The following FAM171A1 variants were observed in gnomAD, a reference collection of about 807,000 sequenced individuals.
FAM171A1 encodes the protein protein FAM171A1.
In FAM171A1, 23 loss-of-function variants were observed where a neutral mutation model predicts 74.9. The ratio of observed to expected loss-of-function variants is 0.31; its 90% confidence interval spans 0.22 to 0.44. The LOEUF is 0.44. Ranked by LOEUF, FAM171A1 falls within the 20% of genes least tolerant of loss-of-function variation. FAM171A1 has a pLI of 1.00. For synonymous variants in FAM171A1, 527 were observed against 505.7 expected (o/e 1.04, Z -0.57); for missense variants, 1,162 against 1,159.2 (o/e 1.00, Z -0.03).
At chr10:15,294,895 C>A (rs980279410) in intron 1 of FAM171A1, among the ~76,000 whole-genome samples, 1 of 152,066 alleles carries the variant, frequency 6.6e-6, no homozygotes, top group Non-Finnish European at 1.5e-5. Context: ...CATCTGAAGG[C>A]ATGCCTTGTT....
chr10:15,326,369 C>T (rs1349764954), intron 1 of FAM171A1, among the ~76,000 whole-genome samples: 1 of 152,008 alleles, frequency 6.6e-6, no homozygotes, highest in East Asian at 1.9e-4. Flanking sequence ...GGCTGGAGTG[C>T]AGTGGCATGC....
chr10:15,279,900 T>C (rs535185240), intron 2 of FAM171A1, among the ~76,000 whole-genome samples: 45 of 149,752 alleles, frequency 3.0e-4, no homozygotes, highest in Non-Finnish European at 4.4e-4. Flanking sequence ...TCTTGAAAAA[T>C]AAAACAAAAC....
At chr10:15,235,312 A>AAAAC (rs1834272456) in intron 5 of FAM171A1, among the ~76,000 whole-genome samples, 1 of 151,112 alleles carries the variant, frequency 6.6e-6, no homozygotes, top group Non-Finnish European at 1.5e-5. Flanking sequence ...AAAAAAAAAA[A>AAAAC]AAAAAAAAAA....
rs775138804 is a variant in FAM171A1, at chr10:15,213,668, G to A, written c.1920C>T (p.Ser640=). The A allele has an allele frequency of 1.2e-6, 2 of 1,613,652 alleles. No homozygotes were observed. Among genetic ancestry groups the A allele is most frequent in the Non-Finnish European group, 1.7e-6 (2 of 1,179,708 alleles). ...SSQIQPQPLS[S]QAISQQHLQD... ...GCAGGTGCTGCTGAGAGATGGCCTG[G>A]GAAGACAGGGGCTGGGGCTGGATCT... Residue 640 remains serine (S), a synonymous_variant, in exon 8 of 8, where the codon TCC becomes TCT. Transcript: ENST00000378116. The surrounding 1 kb of genome is among the most constrained non-coding windows in gnomAD (Gnocchi z 6.8).
chr10:15,233,555 T>C (rs1399127955), intron 5 of FAM171A1, among the ~76,000 whole-genome samples: 3 of 149,154 alleles, frequency 2.0e-5, no homozygotes, highest in African/African-American at 4.9e-5. Flanking sequence ...TGTGTGTGTG[T>C]GCATGTGTGT....
At chr10:15,340,512 ACTGT>A (rs1481833601) in intron 1 of FAM171A1, among the ~76,000 whole-genome samples, 1 of 152,158 alleles carries the variant, frequency 6.6e-6, no homozygotes, top group Admixed American at 6.6e-5. Context: ...CAAAGGCCCA[ACTGT>A]CTGTATTAGT....
Position 15,312,673 on chromosome 10 carries a change from G to GTTTTT in FAM171A1, c.98-28573_98-28569dup, listed in dbSNP as rs1169098742. Among the ~76,000 whole-genome samples the GTTTTT allele has an allele frequency of 2.2e-3, 80 of 36,388 alleles. 3 individuals are homozygous for GTTTTT. Among genetic ancestry groups the GTTTTT allele is most frequent in the Non-Finnish European group, 2.5e-3 (53 of 21,398 alleles). The allele number at this position is 36,388 out of a possible 152,430, so 23.9% of individuals were successfully genotyped here. A position where few individuals can be genotyped will look rare whatever the true frequency, so the allele number is the denominator to read the frequency against. On this transcript the variant is annotated intron_variant, in intron 1 of 7. Transcript: ENST00000378116. ...TACTGGAATGAGTTCAGCACTGTGT[G>GTTTTT]TTTTTTTTTTTTTTTTTTTTTTTTT...
chr10:15,260,024 G>A lies in FAM171A1; in HGVS notation c.419-5145C>T, dbSNP rs571659434. ...TATTTTTTTGTAGAGATGAGGTTTC[G>A]CCATGTTGCCCAGTCTGGTCTCAAA... On this transcript the variant is annotated intron_variant, in intron 3 of 7. Transcript: ENST00000378116. Among the ~76,000 whole-genome samples the A allele has an allele frequency of 4.7e-4, 72 of 151,804 alleles. No homozygotes were observed. The South Asian group carries it at 8.7e-3, about 18-fold the overall frequency.
chr10:15,290,976 A>C (rs925113913), intron 1 of FAM171A1, among the ~76,000 whole-genome samples: 2 of 152,106 alleles, frequency 1.3e-5, no homozygotes, highest in African/African-American at 4.8e-5. Context: ...TCAGCATCCC[A>C]AGTAGCTGGG....
intron 4 of FAM171A1, among the ~76,000 whole-genome samples, chr10:15,249,768 T>C (rs1834484897): frequency 6.6e-6 from 1 of 152,226 alleles, no homozygotes; most frequent in South Asian, 2.1e-4. Context: ...TTAAAGGCCT[T>C]TGGTCCAAGC....
intron 1 of FAM171A1, among the ~76,000 whole-genome samples, chr10:15,313,628 T>G (rs1459627345): frequency 6.6e-6 from 1 of 152,186 alleles, no homozygotes; most frequent in Non-Finnish European, 1.5e-5. Flanking sequence ...TTGTAACTCG[T>G]GAGTTTTTGC....
chr10:15,282,709 T>A lies in FAM171A1; in HGVS notation c.325+1169A>T, dbSNP rs1025897617. Reference sequence around the variant, plus strand: ...GGAGTGTCAAATGCTTCCTTTATTTTAATTTATTTTATTATTTTTTGAGAC... The same window carrying A: ...GGAGTGTCAAATGCTTCCTTTATTTAAATTTATTTTATTATTTTTTGAGAC... On this transcript the variant is annotated intron_variant, in intron 2 of 7. Transcript: ENST00000378116. 4.6e-5 allele frequency among the ~76,000 whole-genome samples: 7 copies of A among 152,226 alleles called. No homozygotes were observed. The East Asian group carries it at 1.4e-3, about 29-fold the overall frequency.
intron 1 of FAM171A1, among the ~76,000 whole-genome samples, chr10:15,285,400 G>A (rs1281358237): frequency 6.6e-6 from 1 of 152,174 alleles, no homozygotes; most frequent in Non-Finnish European, 1.5e-5. Context: ...GGGGAGTGGA[G>A]ATCAAATTTA....
chr10:15,230,355 G>T (rs565531641), intron 5 of FAM171A1, among the ~76,000 whole-genome samples: 1 of 152,168 alleles, frequency 6.6e-6, no homozygotes, highest in Admixed American at 6.5e-5. Context: ...GTATTTGCCC[G>T]GTGGTCAATT....
At chr10:15,293,711 T>C (rs1233928558) in intron 1 of FAM171A1, among the ~76,000 whole-genome samples, 1 of 152,186 alleles carries the variant, frequency 6.6e-6, no homozygotes, top group Admixed American at 6.5e-5. Flanking sequence ...ACTGATACTA[T>C]GAAGGGTCGT....
intron 1 of FAM171A1, among the ~76,000 whole-genome samples, chr10:15,321,701 A>G (rs1835488665): frequency 6.6e-6 from 1 of 152,258 alleles, no homozygotes; most frequent in Non-Finnish European, 1.5e-5. Context: ...AAAACAGAAA[A>G]GAAAGCTGAG....
intron 1 of FAM171A1, among the ~76,000 whole-genome samples, chr10:15,297,307 C>T (rs1226013430): frequency 6.6e-6 from 1 of 152,120 alleles, no homozygotes; most frequent in Non-Finnish European, 1.5e-5. Context: ...GGTCCACCCA[C>T]CTCGGATTCC....
chr10:15,362,482 G>T (rs1196895805), intron 1 of FAM171A1, among the ~76,000 whole-genome samples: 3 of 152,168 alleles, frequency 2.0e-5, no homozygotes. Context: ...GAGGTGGGTG[G>T]GTCACCTGAG....
chr10:15,251,401 G>T (rs535810589), intron 4 of FAM171A1, among the ~76,000 whole-genome samples: 1 of 143,880 alleles, frequency 7.0e-6, no homozygotes, highest in Non-Finnish European at 1.5e-5. Context: ...ATTCTGCAAC[G>T]ATTTTTTTTT....
Sources: allele counts gnomAD v4.1 joint callset (sites outside exome capture counted in the v4.1 genomes callset), GRCh38; gene constraint gnomAD v4.1.1; non-coding constraint Gnocchi (gnomAD v3.1); transcripts MANE v1.5; gene names NCBI Gene and HGNC (gene_info 2026-07-23, HGNC 2026-07-21).